Variants in WDR43 observed in about 807,000 individuals in gnomAD.
WDR43 encodes WD repeat domain 43.
WDR43 carries 13 observed loss-of-function variants against 91.4 expected under a neutral mutation model. That is an observed-to-expected ratio of 0.14 (90% CI 0.09 to 0.23). The LOEUF is 0.23. Ranked by LOEUF, WDR43 falls within the 10% of genes least tolerant of loss-of-function variation. The pLI, the probability that WDR43 is intolerant of heterozygous loss-of-function variation, is 1.00. For synonymous variants in WDR43, 331 were observed against 287.9 expected, an observed-to-expected ratio of 1.15 and a Z score of -1.51; for missense variants, 780 against 809.4, an observed-to-expected ratio of 0.96 and a Z score of 0.44.
intron 3 of WDR43, among the ~76,000 whole-genome samples, chr2:28,908,491 C>G (rs928932919): frequency 6.6e-6 from 1 of 152,142 alleles, no homozygotes; most frequent in East Asian, 1.9e-4. Flanking sequence ...GCCTGTGTTA[C>G]TGTATTCTGG....
intron 3 of WDR43, 143 bp from the exon 4 acceptor site, chr2:28,912,447 C>A: frequency 2.0e-6 from 2 of 994,876 alleles, no homozygotes; most frequent in Non-Finnish European, 2.9e-6. Context: ...AGTTACCTGA[C>A]ACAAGCTTTT....
At chr2:28,924,835 T>G (rs1572594754) in intron 7 of WDR43, 147 bp from the exon 8 acceptor site, 1 of 803,828 alleles carries the variant, frequency 1.2e-6, no homozygotes, top group East Asian at 2.6e-5. Flanking sequence ...TTGAAAGGAG[T>G]ACTCATGCTC....
intron 9 of WDR43, chr2:28,927,111 A>G (rs1253865679): frequency 1.9e-6 from 1 of 519,750 alleles, no homozygotes; most frequent in Non-Finnish European, 3.8e-6. Flanking sequence ...GCTGAGTTTC[A>G]GAGATGACAC....
chr2:28,909,595 G>A (rs1018806868), intron 3 of WDR43, among the ~76,000 whole-genome samples: 1 of 152,164 alleles, frequency 6.6e-6, no homozygotes, highest in Non-Finnish European at 1.5e-5. Context: ...ATTGGTGGCT[G>A]GGCGTGGTGG....
Position 28,918,363 on chromosome 2 carries a change from T to C in WDR43, c.849+368T>C, listed in dbSNP as rs113257716. 8.8e-3 allele frequency among the ~76,000 whole-genome samples: 1,341 copies of C among 152,066 alleles called. 7 individuals carry two copies. Among genetic ancestry groups the C allele is most frequent in the Non-Finnish European group, 0.014 (923 of 67,982 alleles). Reference sequence around the variant, plus strand: ...GTGTGTGTATTTCTTTTTTTATCTCTTTTTTTCTTTTTTCATTTTTTTGAG... The same window carrying C: ...GTGTGTGTATTTCTTTTTTTATCTCCTTTTTTCTTTTTTCATTTTTTTGAG... On this transcript the variant is annotated intron_variant, in intron 6 of 17. Transcript: ENST00000407426.
chr2:28,912,553 A>C (rs777110383), intron 3 of WDR43, 37 bp from the exon 4 acceptor site: 1 of 1,598,398 alleles, frequency 6.3e-7, no homozygotes. Flanking sequence ...GTTTTCTCTC[A>C]TGTATTGAGA....
chr2:28,896,604 G>A (rs1670485918), intron 1 of WDR43, among the ~76,000 whole-genome samples: 1 of 152,128 alleles, frequency 6.6e-6, no homozygotes. Flanking sequence ...TCGGTTCTTG[G>A]TTATCTGCAA....
Position 28,929,570 on chromosome 2 carries a change from G to T in WDR43, c.1306-9G>T. Reference sequence around the variant, plus strand: ...TGGTAACACATTAACAATCCTTTCTGTTCTGTAGGTTAGCATTGAAGAACG... The same window carrying T: ...TGGTAACACATTAACAATCCTTTCTTTTCTGTAGGTTAGCATTGAAGAACG... On this transcript the variant is annotated splice_polypyrimidine_tract_variant and intron_variant, in intron 10 of 17. Transcript: ENST00000407426. 6.2e-7 allele frequency: 1 copy of T among 1,600,730 alleles called. No individual in the cohort carries two copies. The highest frequency in any genetic ancestry group is 1.7e-5 in the Admixed American group (1 of 57,944).
intron 6 of WDR43, among the ~76,000 whole-genome samples, chr2:28,920,227 T>TTC (rs1553327667): frequency 1.9e-5 from 2 of 105,554 alleles, no homozygotes; most frequent in South Asian, 3.1e-4. Flanking sequence ...TTTCTTTCTT[T>TTC]TTTTTTTTTT....
intron 2 of WDR43, among the ~76,000 whole-genome samples, chr2:28,904,139 A>G (rs1670632525): frequency 6.6e-6 from 1 of 152,100 alleles, no homozygotes; most frequent in Non-Finnish European, 1.5e-5. Flanking sequence ...CAACCTTACA[A>G]GATTGTAAAT....
chr2:28,917,045 C>G (rs1670924300), intron 5 of WDR43, among the ~76,000 whole-genome samples: 1 of 152,058 alleles, frequency 6.6e-6, no homozygotes, highest in Admixed American at 6.5e-5. Flanking sequence ...TAGAGCACTT[C>G]AGAATTATGC....
Position 28,917,980 on chromosome 2 carries a change from A to C in WDR43, c.834A>C (p.Ser278=). 1 of 1,575,406 alleles carries C rather than the reference A, an allele frequency of 6.3e-7. No homozygotes were observed. The highest frequency in any genetic ancestry group is 8.6e-7 in the Non-Finnish European group (1 of 1,159,712). The change falls in exon 6 of 18, where the codon TCA becomes TCC. Residue 278 remains serine, a synonymous_variant. Transcript: ENST00000407426. The part of the protein sequence containing the change: ...DEPVYIDLTL[S]ENKEEPVKLA... ...CTGTCTATATTGACTTAACTTTGTC[A>C]GAAAACAAAGAAGAGGTAAATGGCT...
At chr2:28,942,753 C>G (rs1671464741) in intron 16 of WDR43, among the ~76,000 whole-genome samples, 1 of 151,692 alleles carries the variant, frequency 6.6e-6, no homozygotes, top group Admixed American at 6.6e-5. Flanking sequence ...GTAGCTGGGA[C>G]TACAGGCGTG....
rs1034770107 is a variant in WDR43, at chr2:28,913,924, G to A, written c.607-145G>A. ...AATTATAGCACAAATAACCTTATTT[G>A]CTTAGAATTGAATTGAACAGTTACT... On this transcript the variant is annotated intron_variant, in intron 4 of 17. Coordinates refer to ENST00000407426, the MANE Select transcript of WDR43 (RefSeq NM_015131.3). The A allele has an allele frequency of 1.3e-5, 12 of 945,974 alleles. No homozygotes were observed. The African/African-American group carries it at 1.8e-4, about 14-fold the overall frequency. The allele number at this position is 945,974 out of a possible 1,614,324, so 58.6% of individuals were successfully genotyped here. A position where few individuals can be genotyped will look rare whatever the true frequency, so the allele number is the denominator to read the frequency against.
At chr2:28,925,670 C>T (rs1279188880) in intron 8 of WDR43, among the ~76,000 whole-genome samples, 1 of 152,180 alleles carries the variant, frequency 6.6e-6, no homozygotes, top group Non-Finnish European at 1.5e-5. Flanking sequence ...TCTGAGTTAT[C>T]GTAAGCATGT....
rs768708078 is a variant in WDR43 at position 28,924,955 on chromosome 2, T to A, written c.915-27T>A. 1.6e-5 allele frequency: 26 copies of A among 1,593,930 alleles called. No homozygotes were observed. The East Asian group carries it at 5.8e-4, about 36-fold the overall frequency. ...GTATGAGACGTTTTTTCAAATTCTTTAATCTCATTTCCCCCTCCATTTCCA... is the reference window on the plus strand; with the variant it reads ...GTATGAGACGTTTTTTCAAATTCTTAAATCTCATTTCCCCCTCCATTTCCA... On this transcript the variant is annotated intron_variant, in intron 7 of 17. Coordinates refer to ENST00000407426, the MANE Select transcript of WDR43 (RefSeq NM_015131.3).
chr2:28,947,612 A>G lies in WDR43; in HGVS notation c.*833A>G, dbSNP rs1298612087. 2 of 152,080 alleles carry G rather than the reference A, an allele frequency of 1.3e-5. No homozygotes were observed. Among genetic ancestry groups the G allele is most frequent in the Non-Finnish European group, 2.9e-5 (2 of 68,006 alleles). The allele number at this position is 152,080 out of a possible 1,614,324, so 9.4% of individuals were successfully genotyped here. ...GTTTCCATTTTTATTTAAATTACTA[A>G]TGGATCAAAGAACAATTGTTTATTT... On this transcript the variant is annotated 3_prime_UTR_variant, in exon 18 of 18. Transcript: ENST00000407426.
intron 2 of WDR43, 65 bp from the exon 3 acceptor site, chr2:28,906,392 AAGG>A (rs1670679183): frequency 6.9e-7 from 1 of 1,448,000 alleles, no homozygotes. Context: ...GAGAGCGAGG[AAGG>A]AGGATCATTT....
chr2:28,921,562 A>G (rs1572592803), intron 6 of WDR43, among the ~76,000 whole-genome samples: 1 of 152,344 alleles, frequency 6.6e-6, no homozygotes, highest in African/African-American at 2.4e-5. Flanking sequence ...TTTGATTATG[A>G]TATTGCAGAA....
Sources: allele counts gnomAD v4.1 joint callset (sites outside exome capture counted in the v4.1 genomes callset), GRCh38; gene constraint gnomAD v4.1.1; transcripts MANE v1.5; gene names NCBI Gene and HGNC (gene_info 2026-07-23, HGNC 2026-07-21).